ORC5: variants seen among roughly 807,000 people sequenced by gnomAD.
The protein encoded by ORC5 is protein phosphatase 1, regulatory subunit 117.
A neutral mutation model predicts 58.8 loss-of-function variants in ORC5; 39 were observed. The observed-to-expected ratio is 0.66, with a 90% confidence interval of 0.51 to 0.87. The LOEUF is 0.87. Among genes scored for constraint, ORC5 ranks in the 40% least tolerant of loss-of-function variants. The pLI, the probability that ORC5 is intolerant of heterozygous loss-of-function variation, is 0.00. For synonymous variants in ORC5, 218 were observed against 177.6 expected, an observed-to-expected ratio of 1.23 and a Z score of -1.81; for missense variants, 493 against 506.3, an observed-to-expected ratio of 0.97 and a Z score of 0.25.
chr7:104,157,131 G>A lies in ORC5; in HGVS notation c.1149+3941C>T, dbSNP rs1798939793. Among the ~76,000 whole-genome samples the A allele has an allele frequency of 2.0e-5, 3 of 151,962 alleles. No homozygotes were observed. In the South Asian group the frequency reaches 6.2e-4, roughly 31 times the overall value. On this transcript the variant is annotated intron_variant, in intron 12 of 13. Transcript: ENST00000297431. ...AGGAGAAAGAAGAAAACTAGAAAAG[G>A]TCACTGGGAGTCAATGGGAAGAAGA... is the stretch of plus-strand genomic sequence containing the variant.
chr7:104,167,534 T>A (rs953736988), intron 9 of ORC5, among the ~76,000 whole-genome samples: 1 of 152,024 alleles, frequency 6.6e-6, no homozygotes, highest in Non-Finnish European at 1.5e-5. Flanking sequence ...ATGTCTAATG[T>A]TTTTTTGTAT....
intron 2 of ORC5, among the ~76,000 whole-genome samples, chr7:104,201,775 T>C (rs1398486874): frequency 6.6e-6 from 1 of 151,668 alleles, no homozygotes; most frequent in African/African-American, 2.4e-5. Flanking sequence ...TTAGAAACCA[T>C]AGCAATCCTC....
chr7:104,202,971 C>T (rs1799980332), intron 2 of ORC5, among the ~76,000 whole-genome samples: 1 of 152,104 alleles, frequency 6.6e-6, no homozygotes, highest in African/African-American at 2.4e-5. Context: ...AATATTATGA[C>T]AGAATTAAGC....
At position 104,174,080 on chromosome 7, in the gene ORC5, G is replaced by A. The variant is rs987136378; in HGVS notation, c.825-5555C>T. Among the ~76,000 whole-genome samples the A allele has an allele frequency of 2.6e-5, 4 of 151,838 alleles. No individual in the cohort carries two copies. In the South Asian group the frequency reaches 6.2e-4, roughly 24 times the overall value. Reference sequence around the variant, plus strand: ...GGGATGGTCTCGATCTCCTGACCTCGTGATCCGCCCGCCTCGGCCTCCCAA... The same window carrying A: ...GGGATGGTCTCGATCTCCTGACCTCATGATCCGCCCGCCTCGGCCTCCCAA... On this transcript the variant is annotated intron_variant, in intron 8 of 13. Transcript: ENST00000297431.
At chr7:104,168,397 T>C in intron 9 of ORC5, 76 bp downstream of exon 9, 2 of 1,559,356 alleles carry the variant, frequency 1.3e-6, no homozygotes, top group East Asian at 2.3e-5. Context: ...TGAATGCTCT[T>C]TAGTATTAAC....
At chr7:104,194,194 A>G (rs1799744603) in intron 5 of ORC5, among the ~76,000 whole-genome samples, 1 of 151,514 alleles carries the variant, frequency 6.6e-6, no homozygotes. Flanking sequence ...ATGACAATAA[A>G]GACTCCATCT....
At chr7:104,207,751 C>CA in intron 1 of ORC5, 82 bp downstream of exon 1, 1 of 1,401,788 alleles carries the variant, frequency 7.1e-7, no homozygotes. Flanking sequence ...AATCCAAACA[C>CA]GAAAAAACAA....
At chr7:104,160,991 C>A in intron 12 of ORC5, 81 bp downstream of exon 12, 2 of 807,584 alleles carry the variant, frequency 2.5e-6, no homozygotes, top group African/African-American at 1.7e-5. Flanking sequence ...GAACAAAAAT[C>A]TGAATGCCTG....
At chr7:104,149,728 A>C (rs1342731339) in intron 12 of ORC5, among the ~76,000 whole-genome samples, 2 of 152,172 alleles carry the variant, frequency 1.3e-5, no homozygotes, top group African/African-American at 4.8e-5. Flanking sequence ...CCTAGCTTTC[A>C]TACATCAGCA....
chr7:104,168,173 C>G, intron 9 of ORC5: 1 of 666,022 alleles, frequency 1.5e-6, no homozygotes, highest in Non-Finnish European at 2.0e-6. Context: ...TGAGATAAAA[C>G]TGTCACATAA....
At chr7:104,204,919 G>A (rs1365548236) in intron 1 of ORC5, among the ~76,000 whole-genome samples, 2 of 152,016 alleles carry the variant, frequency 1.3e-5, no homozygotes, top group Non-Finnish European at 2.9e-5. Context: ...ACAAATACTT[G>A]TACTTCATTC....
At chr7:104,176,643 G>A (rs1054237834) in intron 8 of ORC5, among the ~76,000 whole-genome samples, 2 of 151,204 alleles carry the variant, frequency 1.3e-5, no homozygotes, top group African/African-American at 4.9e-5. Context: ...TAGTTTTTCA[G>A]GTTTTTGTGA....
chr7:104,202,445 A>G, intron 2 of ORC5: 7 of 434,462 alleles, frequency 1.6e-5, no homozygotes, highest in South Asian at 1.2e-4. Context: ...TTTAAGAACA[A>G]AAGTCCACAA....
At chr7:104,151,255 T>A (rs1798842353) in intron 12 of ORC5, among the ~76,000 whole-genome samples, 2 of 152,126 alleles carry the variant, frequency 1.3e-5, no homozygotes, top group South Asian at 4.1e-4. Context: ...TTTTCAAGAT[T>A]TATGCTGATG....
At chr7:104,207,286 C>T (rs1034779336) in intron 1 of ORC5, among the ~76,000 whole-genome samples, 17 of 152,160 alleles carry the variant, frequency 1.1e-4, no homozygotes, top group African/African-American at 2.4e-4. Context: ...AAACTCCTCT[C>T]TAGGGCATCC....
rs561911085 is a variant in ORC5 at position 104,138,649 on chromosome 7, T to C, written c.1150-1756A>G. Among the ~76,000 whole-genome samples the C allele has an allele frequency of 2.0e-5, 3 of 152,138 alleles. No individual in the cohort carries two copies. Among genetic ancestry groups the C allele is most frequent in the South Asian group, 4.1e-4 (2 of 4,832 alleles). On this transcript the variant is annotated intron_variant, in intron 12 of 13. Coordinates refer to ENST00000297431, the MANE Select transcript of ORC5 (RefSeq NM_002553.4). This position sits in a 1 kb window ranked among gnomAD's most constrained non-coding sequence, Gnocchi z 4.7. ...CAGCAGCCTCCTGAGTAGCTGGTAC[T>C]ATAGGCACATGCCACCACACCCAGC...
In ORC5 at chr7:104,200,754, T is replaced by G; in HGVS notation, c.366+4A>C. On this transcript the variant is annotated splice_donor_region_variant and intron_variant, in intron 3 of 13. Coordinates refer to ENST00000297431, the MANE Select transcript of ORC5 (RefSeq NM_002553.4). ...AGATGATCTAATCAAATGAAATTAC[T>G]TACAATATATACAGTCTGATCTTTA... The G allele has an allele frequency of 1.3e-6, 2 of 1,519,746 alleles. No homozygotes were observed. The highest frequency in any genetic ancestry group is 1.8e-6 in the Non-Finnish European group (2 of 1,099,006). The allele number at this position is 1,519,746 out of a possible 1,614,324, so 94.1% of individuals were successfully genotyped here. A position where few individuals can be genotyped will look rare whatever the true frequency, so the allele number is the denominator to read the frequency against.
intron 12 of ORC5, among the ~76,000 whole-genome samples, chr7:104,143,944 C>T (rs770986725): frequency 6.6e-6 from 1 of 151,810 alleles, no homozygotes; most frequent in Non-Finnish European, 1.5e-5. Flanking sequence ...CATGGTGAAA[C>T]CCCGTCTCTG....
intron 8 of ORC5, among the ~76,000 whole-genome samples, chr7:104,173,426 G>A (rs1349943480): frequency 2.0e-5 from 3 of 152,170 alleles, no homozygotes; most frequent in African/African-American, 7.2e-5. Flanking sequence ...CTGTTGTTTA[G>A]GTTGACATAT....
Sources: allele counts gnomAD v4.1 joint callset (sites outside exome capture counted in the v4.1 genomes callset), GRCh38; gene constraint gnomAD v4.1.1; non-coding constraint Gnocchi (gnomAD v3.1); transcripts MANE v1.5; gene names NCBI Gene and HGNC (gene_info 2026-07-23, HGNC 2026-07-21).